Variants in DDHD1 observed in about 807,000 individuals in gnomAD.
DDHD1 encodes the protein DDHD domain containing 1.
A neutral mutation model predicts 96.4 loss-of-function variants in DDHD1; 49 were observed. The ratio of observed to expected loss-of-function variants is 0.51; its 90% CI spans 0.40 to 0.64. DDHD1 has a LOEUF of 0.64. Among genes scored for constraint, DDHD1 ranks in the 30% least tolerant of loss-of-function variants. The pLI is 0.00. For synonymous variants in DDHD1, 442 were observed against 446.5 expected (o/e 0.99, Z 0.13); for missense variants, 1,106 against 1,161.2 (o/e 0.95, Z 0.69).
chr14:53,077,658 T>C (rs1218533646), intron 4 of DDHD1, among the ~76,000 whole-genome samples: 2 of 77,964 alleles, frequency 2.6e-5, no homozygotes, highest in Non-Finnish European at 5.7e-5. Context: ...ACTTCATTAG[T>C]TTTTGTTTTT....
At chr14:53,134,972 T>C (rs1364784710) in intron 1 of DDHD1, among the ~76,000 whole-genome samples, 1 of 152,168 alleles carries the variant, frequency 6.6e-6, no homozygotes, top group Non-Finnish European at 1.5e-5. Flanking sequence ...TCTCTCCCAC[T>C]ATAGGTTCCC....
intron 4 of DDHD1, among the ~76,000 whole-genome samples, chr14:53,083,355 A>C (rs985156810): frequency 1.3e-5 from 2 of 152,224 alleles, no homozygotes; most frequent in Non-Finnish European, 2.9e-5. Flanking sequence ...GCCAAGTTCT[A>C]TGAAGAGTTC....
rs1882005379 is a variant in DDHD1 at position 53,046,350 on chromosome 14, A to C, written c.*418T>G. On this transcript the variant is annotated 3_prime_UTR_variant, in exon 13 of 13. Coordinates refer to ENST00000673822, the MANE Select transcript of DDHD1 (RefSeq NM_001160148.2). ...CAAATGAAAGCCTTCATAGAAATCT[A>C]AAACGATACCACCTTGTGATCTTCA... The C allele has an allele frequency of 6.6e-6, 1 of 152,648 alleles. No homozygotes were observed. Among genetic ancestry groups the C allele is most frequent in the Non-Finnish European group, 1.5e-5 (1 of 68,348 alleles). The allele number at this position is 152,648 out of a possible 1,614,324, so 9.5% of individuals were successfully genotyped here. A position where few individuals can be genotyped will look rare whatever the true frequency, so the allele number is the denominator to read the frequency against.
intron 8 of DDHD1, 52 bp downstream of exon 8, chr14:53,061,074 G>A (rs187682579): frequency 7.3e-6 from 11 of 1,499,598 alleles, no homozygotes; most frequent in African/African-American, 2.8e-5. Flanking sequence ...TTCACATGAC[G>A]TTAAAAAAAA....
intron 4 of DDHD1, among the ~76,000 whole-genome samples, chr14:53,084,138 G>A (rs142233144): frequency 6.6e-6 from 1 of 152,194 alleles, no homozygotes; most frequent in African/African-American, 2.4e-5. Context: ...CAGACTAGCT[G>A]GGACTTTTGG....
At chr14:53,150,196 GTA>G (rs1164052178) in intron 1 of DDHD1, 1 of 152,188 alleles carries the variant, frequency 6.6e-6, no homozygotes, top group East Asian at 1.9e-4. Context: ...GTGTCCTTGT[GTA>G]TGTGCCCCAT....
At chr14:53,101,592 TAA>T (rs1887300976) in intron 2 of DDHD1, among the ~76,000 whole-genome samples, 1 of 152,006 alleles carries the variant, frequency 6.6e-6, no homozygotes, top group African/African-American at 2.4e-5. Context: ...TGTATATCCA[TAA>T]AGATAACAAA....
chr14:53,117,358 G>A (rs1888627671), intron 1 of DDHD1, among the ~76,000 whole-genome samples: 1 of 152,172 alleles, frequency 6.6e-6, no homozygotes, highest in Non-Finnish European at 1.5e-5. Flanking sequence ...CACCCAGGAA[G>A]CAGAAAGGGT....
At chr14:53,118,279 A>C (rs1352983183) in intron 1 of DDHD1, among the ~76,000 whole-genome samples, 1 of 152,232 alleles carries the variant, frequency 6.6e-6, no homozygotes, top group African/African-American at 2.4e-5. Context: ...GCAGCTCCTC[A>C]CCAGCAAGGG....
Position 53,153,199 on chromosome 14 carries a change from T to A in DDHD1, c.-101A>T. ...CGCCGCCCTCTCCACCCGAAGTTTC[T>A]AATCTTTCAAATCCCGACCCGAGCT... On this transcript the variant is annotated 5_prime_UTR_variant, in exon 1 of 13. Transcript: ENST00000673822. 9.1e-7 allele frequency: 1 copy of A among 1,099,340 alleles called. No homozygotes were observed. The highest frequency in any genetic ancestry group is 1.2e-6 in the Non-Finnish European group (1 of 836,772). The allele number at this position is 1,099,340 out of a possible 1,614,324, so 68.1% of individuals were successfully genotyped here.
chr14:53,127,107 CACTT>C (rs1481672271), intron 1 of DDHD1, among the ~76,000 whole-genome samples: 1 of 152,066 alleles, frequency 6.6e-6, no homozygotes. Flanking sequence ...GCAGAAGAAA[CACTT>C]AAGAAACTAA....
At chr14:53,063,591 T>C (rs1252396432) in intron 6 of DDHD1, among the ~76,000 whole-genome samples, 1 of 152,266 alleles carries the variant, frequency 6.6e-6, no homozygotes, top group East Asian at 1.9e-4. Context: ...TAAATTTTTG[T>C]ACCTTGTAGT....
intron 4 of DDHD1, among the ~76,000 whole-genome samples, chr14:53,078,620 T>C (rs1885169035): frequency 1.3e-5 from 2 of 152,174 alleles, no homozygotes; most frequent in Admixed American, 6.6e-5. Flanking sequence ...CAAAAGGACT[T>C]TTCTACTTAT....
intron 9 of DDHD1, among the ~76,000 whole-genome samples, chr14:53,057,714 A>AT (rs1390778901): frequency 5.3e-5 from 8 of 152,230 alleles, no homozygotes; most frequent in African/African-American, 1.9e-4. Flanking sequence ...ACACTCTTGT[A>AT]TTACAGGTGC....
intron 6 of DDHD1, among the ~76,000 whole-genome samples, chr14:53,071,104 T>C (rs1257557464): frequency 6.6e-6 from 1 of 152,106 alleles, no homozygotes; most frequent in Non-Finnish European, 1.5e-5. Flanking sequence ...CCTCAATTAA[T>C]CTTTACAAGA....
At chr14:53,118,190 A>T (rs1175197279) in intron 1 of DDHD1, among the ~76,000 whole-genome samples, 1 of 152,164 alleles carries the variant, frequency 6.6e-6, no homozygotes, top group East Asian at 1.9e-4. Flanking sequence ...GGTAGATAAA[A>T]CCACAAAGAT....
At chr14:53,107,150 A>G (rs1463250438) in intron 1 of DDHD1, among the ~76,000 whole-genome samples, 1 of 152,280 alleles carries the variant, frequency 6.6e-6, no homozygotes, top group African/African-American at 2.4e-5. Flanking sequence ...TGAACCTTAT[A>G]ATGTTTTTGC....
At chr14:53,102,469 A>C (rs1056882782) in intron 2 of DDHD1, among the ~76,000 whole-genome samples, 3 of 152,098 alleles carry the variant, frequency 2.0e-5, no homozygotes, top group Non-Finnish European at 4.4e-5. Context: ...AGAGTATGGT[A>C]TCTGGCACAT....
rs1335974712 is a variant in DDHD1 at position 53,038,503 on chromosome 14, G to C, written c.*8265C>G. The C allele has an allele frequency of 6.6e-6, 1 of 152,058 alleles. No homozygotes were observed. Among genetic ancestry groups the C allele is most frequent in the Non-Finnish European group, 1.5e-5 (1 of 67,994 alleles). 9.4% of individuals were successfully genotyped at this position (152,058 alleles called of 1,614,324 possible). A position where few individuals can be genotyped will look rare whatever the true frequency, so the allele number is the denominator to read the frequency against. On this transcript the variant is annotated 3_prime_UTR_variant, in exon 13 of 13. Coordinates refer to ENST00000673822, the MANE Select transcript of DDHD1 (RefSeq NM_001160148.2). ...ACAAGGAGAACTACAAAACATGGCAGAAAGAAATCAGGGATGAAACCAAAA... is the reference window on the plus strand; with the variant it reads ...ACAAGGAGAACTACAAAACATGGCACAAAGAAATCAGGGATGAAACCAAAA...
Sources: gnomAD v4.1 joint callset for allele counts (sites outside exome capture counted in the v4.1 genomes callset) on GRCh38, gnomAD v4.1.1 for gene constraint, MANE v1.5 for transcripts, NCBI Gene and HGNC (gene_info 2026-07-23, HGNC 2026-07-21) for gene names.